The following GUCY2F variants were observed in gnomAD, a reference collection of about 807,000 sequenced individuals.
GUCY2F encodes guanylate cyclase 2F, retinal.
A neutral mutation model predicts 73.1 loss-of-function variants in GUCY2F; 61 were observed. That is an observed-to-expected ratio of 0.83 (90% CI 0.68 to 1.03). The LOEUF (loss-of-function observed/expected upper bound fraction) is 1.03. Among genes scored for constraint, GUCY2F ranks in the 50% least tolerant of loss-of-function variants. The pLI, the probability that GUCY2F is intolerant of heterozygous loss-of-function variation, is 0.00. For synonymous variants in GUCY2F, 331 were observed against 307.8 expected, an observed-to-expected ratio of 1.08 and a Z score of -0.79; for missense variants, 912 against 854.3, an observed-to-expected ratio of 1.07 and a Z score of -0.84.
At chrX:109,397,409 C>G (rs1483173826) in intron 11 of GUCY2F, among the ~76,000 whole-genome samples, 1 of 111,441 alleles carries the variant, frequency 9.0e-6, no homozygotes, top group East Asian at 2.8e-4. Flanking sequence ...CAAAGCCTAG[C>G]TAAGTGGTTC....
chrX:109,474,122 A>G (rs1302156769), intron 2 of GUCY2F, among the ~76,000 whole-genome samples: 1 of 111,942 alleles, frequency 8.9e-6, no homozygotes, highest in Non-Finnish European at 1.9e-5. Flanking sequence ...GCCACTTGAA[A>G]CTTAAAACAG....
chrX:109,396,034 C>T (rs752585767), intron 11 of GUCY2F, among the ~76,000 whole-genome samples: 5 of 112,301 alleles, frequency 4.5e-5, no homozygotes, highest in African/African-American at 6.5e-5. Flanking sequence ...ATGTGCTGAA[C>T]GCTTTGCATG....
chrX:109,460,417 A>G (rs1177774255), intron 3 of GUCY2F, among the ~76,000 whole-genome samples: 3 of 111,783 alleles, frequency 2.7e-5, no homozygotes, highest in African/African-American at 9.7e-5. Context: ...TAGGAATAAG[A>G]ATGACATTGG....
chrX:109,462,760 T>C (rs1932387418), intron 3 of GUCY2F, among the ~76,000 whole-genome samples: 1 of 112,192 alleles, frequency 8.9e-6, no homozygotes, highest in Non-Finnish European at 1.9e-5. Flanking sequence ...CCTTTGATCC[T>C]TTGATTAAAA....
intron 3 of GUCY2F, among the ~76,000 whole-genome samples, chrX:109,455,202 A>C (rs1932233817): frequency 8.9e-6 from 1 of 111,751 alleles, no homozygotes; most frequent in Non-Finnish European, 1.9e-5. Flanking sequence ...AGCTCCTCAA[A>C]GATTCTAATA....
chrX:109,481,064 A>G lies in GUCY2F; in HGVS notation c.-86+802T>C, dbSNP rs1190069241. On this transcript the variant is annotated intron_variant, in intron 1 of 19. Transcript: ENST00000218006. ...AGAAGAAGGAAGGAAGGAAGGAAGGAAGGAAGGAAGGAAGGAAGGAAGGAA... is the reference window on the plus strand; with the variant it reads ...AGAAGAAGGAAGGAAGGAAGGAAGGGAGGAAGGAAGGAAGGAAGGAAGGAA... Among the ~76,000 whole-genome samples the G allele has an allele frequency of 3.0e-4, 15 of 50,366 alleles. 3 individuals are homozygous for G. Among genetic ancestry groups the G allele is most frequent in the South Asian group, 3.5e-3 (2 of 577 alleles). The allele number at this position is 50,366 out of a possible 115,157, so 43.7% of individuals were successfully genotyped here. A position where few individuals can be genotyped will look rare whatever the true frequency, so the allele number is the denominator to read the frequency against.
intron 7 of GUCY2F, among the ~76,000 whole-genome samples, chrX:109,439,447 C>G (rs113584758): frequency 0.013 from 1,497 of 111,303 alleles, 33 homozygotes; most frequent in African/African-American, 0.047. Context: ...TTTTTTTTGT[C>G]ACACTCTTGG....
intron 11 of GUCY2F, among the ~76,000 whole-genome samples, chrX:109,397,539 A>C (rs2147256117): frequency 8.9e-6 from 1 of 112,501 alleles, no homozygotes; most frequent in East Asian, 2.8e-4. Context: ...CCCTATTGTT[A>C]ATAACTTACA....
At position 109,452,013 on chromosome X, in the gene GUCY2F, A is replaced by C. The variant is rs1200192112; in HGVS notation, c.1472+10T>G. The C allele has an allele frequency of 1.1e-6, 1 of 880,606 alleles. No individual in the cohort carries two copies. Among genetic ancestry groups the C allele is most frequent in the East Asian group, 3.1e-5 (1 of 32,312 alleles). The allele number at this position is 880,606 out of a possible 1,213,427, so 72.6% of individuals were successfully genotyped here. A position where few individuals can be genotyped will look rare whatever the true frequency, so the allele number is the denominator to read the frequency against. On this transcript the variant is annotated intron_variant, in intron 5 of 19. Coordinates refer to ENST00000218006, the MANE Select transcript of GUCY2F (RefSeq NM_001522.3). Reference sequence around the variant, plus strand: ...GTATTTTTTATATACAAAAATAACAAAAAATGTACCTTATAAAGTAAGCAA... The same window carrying C: ...GTATTTTTTATATACAAAAATAACACAAAATGTACCTTATAAAGTAAGCAA...
chrX:109,422,140 T>C (rs1357019779), intron 8 of GUCY2F, among the ~76,000 whole-genome samples: 1 of 111,958 alleles, frequency 8.9e-6, no homozygotes, highest in Non-Finnish European at 1.9e-5. Flanking sequence ...AGTAACTTTT[T>C]TGGAGAATGG....
chrX:109,407,360 G>A (rs761635454), intron 9 of GUCY2F, among the ~76,000 whole-genome samples: 1 of 112,960 alleles, frequency 8.9e-6, no homozygotes, highest in Non-Finnish European at 1.9e-5. Flanking sequence ...CATTCAAAAG[G>A]TGACTTGGGT....
intron 3 of GUCY2F, among the ~76,000 whole-genome samples, chrX:109,457,778 A>G (rs888180313): frequency 5.7e-4 from 64 of 111,574 alleles, no homozygotes; most frequent in Non-Finnish European, 2.3e-4. Context: ...AATAAAGAGC[A>G]TAAGGTCCCC....
intron 7 of GUCY2F, among the ~76,000 whole-genome samples, chrX:109,430,943 T>C (rs1931596655): frequency 9.0e-6 from 1 of 111,666 alleles, no homozygotes. Flanking sequence ...TCCAATTGTC[T>C]TTAATCTAGA....
intron 1 of GUCY2F, among the ~76,000 whole-genome samples, chrX:109,477,443 G>A (rs1050211459): frequency 3.1e-4 from 35 of 111,734 alleles, no homozygotes; most frequent in Non-Finnish European, 2.8e-4. Context: ...GCACATACTG[G>A]AGGGCCTAGG....
Position 109,398,640 on chromosome X carries a change from A to G in GUCY2F, c.2184T>C (p.Ser728=). ...LRAPRGSRLG[S]FAGDVYSFAI... is the part of the protein sequence containing the mutation. ...CAAAGCTATAGACATCTCCTGCAAA[A>G]GAACCTAACCTGCTGCCTCTTGGAG... The change falls in exon 11 of 20, where the codon TCT becomes TCC. Residue 728 remains serine (S), a synonymous_variant. Transcript: ENST00000218006. 8.3e-7 allele frequency: 1 copy of G among 1,209,701 alleles called. No homozygotes were observed. Among genetic ancestry groups the G allele is most frequent in the Non-Finnish European group, 1.1e-6 (1 of 893,478 alleles).
rs773631270 is a variant in GUCY2F, at chrX:109,465,197, G to A, written c.977C>T (p.Ala326Val). The change falls in exon 3 of 20, where the codon GCC (alanine) becomes GTC (valine). Residue 326 changes from alanine to valine, a missense_variant. By Grantham distance (64) the Ala-to-Val change is moderately conservative. Coordinates refer to ENST00000218006, the MANE Select transcript of GUCY2F (RefSeq NM_001522.3). ...VESQEKTFYQAFTEAAARGEI... is the reference protein window; with the variant it reads ...VESQEKTFYQVFTEAAARGEI... ...ACCTCTTGCTGCTGCCTCTGTGAAG[G>A]CTTGATAGAAGGTCTTTTCTTGGGA... The A allele has an allele frequency of 1.7e-6, 2 of 1,209,822 alleles. No individual in the cohort carries two copies. The highest frequency in any genetic ancestry group is 3.5e-5 in the South Asian group (2 of 56,925).
chrX:109,432,121 A>C (rs1312884707), intron 7 of GUCY2F, among the ~76,000 whole-genome samples: 16 of 111,313 alleles, frequency 1.4e-4, no homozygotes, highest in Non-Finnish European at 1.9e-5. Context: ...CACTTAACGA[A>C]ATCAGAAATC....
In GUCY2F at chrX:109,385,244, TG is replaced by T; in HGVS notation, c.2994del (p.Arg999AspfsTer9). 8.4e-7 allele frequency: 1 copy of T among 1,194,470 alleles called. No homozygotes were observed. The highest frequency in any genetic ancestry group is 1.7e-5 in the African/African-American group (1 of 57,204). On this transcript the variant is annotated frameshift_variant, in exon 16 of 20. Transcript: ENST00000218006. LOFTEE classifies it high-confidence loss of function. ...VVAGVVGLTM[P>X]RYCLFGDTVN... Reference sequence around the variant, plus strand: ...ACAGTGTCTCCAAACAAGCAGTATCTGGGCATGGTGAGGCCCACCACTCCAG... The same window carrying T: ...ACAGTGTCTCCAAACAAGCAGTATCTGGCATGGTGAGGCCCACCACTCCAG...
At chrX:109,435,717 C>G (rs1191225962) in intron 7 of GUCY2F, among the ~76,000 whole-genome samples, 7 of 111,315 alleles carry the variant, frequency 6.3e-5, no homozygotes, top group East Asian at 5.6e-4. Context: ...GTTTTCAAAG[C>G]CAATGCTTCC....
Sources: gnomAD v4.1 joint callset for allele counts (sites outside exome capture counted in the v4.1 genomes callset) on GRCh38, gnomAD v4.1.1 for gene constraint, MANE v1.5 for transcripts, NCBI Gene and HGNC (gene_info 2026-07-23, HGNC 2026-07-21) for gene names.